Variants in IL1RAPL2 observed in about 807,000 individuals in gnomAD.
The protein encoded by IL1RAPL2 is interleukin 1 receptor accessory protein like 2, also known as X-linked interleukin-1 receptor accessory protein-like 2.
A neutral mutation model predicts 44.1 loss-of-function variants in IL1RAPL2; 3 were observed. The observed-to-expected ratio is 0.07, with a 90% CI of 0.03 to 0.18. IL1RAPL2 has a LOEUF of 0.18. IL1RAPL2 is among the 10% of genes least tolerant of loss of function. The pLI is 1.00. For synonymous variants in IL1RAPL2, 181 were observed against 178.8 expected, an observed-to-expected ratio of 1.01 and a Z score of -0.10; for missense variants, 391 against 496.4, an observed-to-expected ratio of 0.79 and a Z score of 2.02.
chrX:105,008,965 A>T (rs1363547712), intron 2 of IL1RAPL2, among the ~76,000 whole-genome samples: 1 of 112,302 alleles, frequency 8.9e-6, no homozygotes, highest in Non-Finnish European at 1.9e-5. Flanking sequence ...TCTCAAAAGA[A>T]GACATTTATG....
intron 2 of IL1RAPL2, among the ~76,000 whole-genome samples, chrX:104,717,226 T>C (rs1057438616): frequency 4.1e-4 from 46 of 110,876 alleles, no homozygotes; most frequent in African/African-American, 1.4e-3. Flanking sequence ...TGAGAACACA[T>C]GGACACATAG....
chrX:104,887,898 G>A (rs1049258628), intron 2 of IL1RAPL2, among the ~76,000 whole-genome samples: 13 of 111,615 alleles, frequency 1.2e-4, no homozygotes, highest in African/African-American at 3.9e-4. Flanking sequence ...AGGGACCAGC[G>A]CCCAGTTAGC....
At chrX:105,730,727 GAAT>G (rs1419564370) in intron 7 of IL1RAPL2, among the ~76,000 whole-genome samples, 2 of 111,018 alleles carry the variant, frequency 1.8e-5, no homozygotes, top group Non-Finnish European at 3.8e-5. Context: ...AAATCTGTAG[GAAT>G]ACATGGAAAT....
intron 2 of IL1RAPL2, among the ~76,000 whole-genome samples, chrX:104,839,504 G>T (rs1921843444): frequency 9.0e-6 from 1 of 111,731 alleles, no homozygotes; most frequent in South Asian, 3.7e-4. Context: ...TTTTATTGAG[G>T]ATATTTGCGT....
chrX:105,242,121 G>A (rs1240177012), intron 4 of IL1RAPL2, among the ~76,000 whole-genome samples: 1 of 111,824 alleles, frequency 8.9e-6, no homozygotes, highest in Non-Finnish European at 1.9e-5. Context: ...AACTCCATGT[G>A]TCCCTAGGCC....
At chrX:105,076,449 T>G (rs1027040587) in intron 2 of IL1RAPL2, among the ~76,000 whole-genome samples, 1 of 111,244 alleles carries the variant, frequency 9.0e-6, no homozygotes, top group South Asian at 3.9e-4. Flanking sequence ...TGCTGAGGAG[T>G]GTTTTACATC....
intron 1 of IL1RAPL2, among the ~76,000 whole-genome samples, chrX:104,618,696 C>T (rs1929327158): frequency 1.8e-5 from 2 of 111,123 alleles, no homozygotes; most frequent in South Asian, 7.6e-4. Context: ...CAGAGAGGGC[C>T]CTTCTGTACC....
intron 6 of IL1RAPL2, among the ~76,000 whole-genome samples, chrX:105,585,674 T>A (rs2037121983): frequency 1.4e-5 from 1 of 73,190 alleles, no homozygotes; most frequent in Admixed American, 1.8e-4. Context: ...TTCATCCATG[T>A]CCCTGCAAAA....
Position 105,454,833 on chromosome X carries a change from C to G in IL1RAPL2, c.698-29480C>G, listed in dbSNP as rs758639338. Among the ~76,000 whole-genome samples, 16 of 111,031 alleles carry G rather than the reference C, an allele frequency of 1.4e-4. No individual in the cohort carries two copies. In the East Asian group the frequency reaches 4.6e-3, roughly 32 times the overall value. On this transcript the variant is annotated intron_variant, in intron 5 of 10. Transcript: ENST00000372582. ...ACTGGTGCCCTACCCCCAAGTACTT[C>G]AGAACTGGCCTACACAGCAACCCCT...
chrX:105,394,197 A>T (rs189160644), intron 5 of IL1RAPL2, among the ~76,000 whole-genome samples: 3 of 112,217 alleles, frequency 2.7e-5, no homozygotes, highest in Non-Finnish European at 5.6e-5. Flanking sequence ...AAAGCATGAA[A>T]GTAGCCATTA....
chrX:105,071,760 A>G (rs58115582), intron 2 of IL1RAPL2, among the ~76,000 whole-genome samples: 9,246 of 111,790 alleles, frequency 0.083, 982 homozygotes, highest in African/African-American at 0.29. Context: ...CTAGTAATAT[A>G]CAATGGGGAA....
chrX:105,548,759 T>C (rs368125744), intron 6 of IL1RAPL2, among the ~76,000 whole-genome samples: 1 of 111,712 alleles, frequency 9.0e-6, no homozygotes, highest in Admixed American at 9.5e-5. Flanking sequence ...GGGATAATAA[T>C]TGCTACTTCA....
intron 2 of IL1RAPL2, among the ~76,000 whole-genome samples, chrX:104,673,332 C>A (rs1445926762): frequency 9.0e-6 from 1 of 111,273 alleles, no homozygotes; most frequent in Non-Finnish European, 1.9e-5. Context: ...CCAGTTTTCC[C>A]AGCACCATTT....
In IL1RAPL2 at chrX:104,907,875, G is replaced by T. The variant is rs181013335; in HGVS notation, c.82+248880G>T. On this transcript the variant is annotated intron_variant, in intron 2 of 10. Coordinates refer to ENST00000372582, the MANE Select transcript of IL1RAPL2 (RefSeq NM_017416.2). ...GGTATCCTTGTTGACTTTCTGTCTC[G>T]TTGATCTGTCTAATGTTGACAGTGG... is the stretch of plus-strand genomic sequence containing the variant. 7.6e-3 allele frequency among the ~76,000 whole-genome samples: 833 copies of T among 109,571 alleles called. 10 individuals are homozygous for T. The highest frequency in any genetic ancestry group is 0.026 in the African/African-American group (769 of 30,108).
At chrX:105,220,014 C>T (rs782628378) in intron 3 of IL1RAPL2, 2 of 1,210,576 alleles carry the variant, frequency 1.7e-6, no homozygotes, top group South Asian at 1.8e-5. Context: ...CCATTCTTAG[C>T]CGGGAGGCCG....
At chrX:105,613,993 C>A (rs1200237185) in intron 6 of IL1RAPL2, among the ~76,000 whole-genome samples, 1 of 111,335 alleles carries the variant, frequency 9.0e-6, no homozygotes, top group Admixed American at 9.6e-5. Flanking sequence ...TTGCAGGATA[C>A]AAAATCAACA....
At position 104,733,651 on chromosome X, in the gene IL1RAPL2, A is replaced by ATAATAG. The variant is rs1555986431; in HGVS notation, c.82+74661_82+74662insGTAATA. Among the ~76,000 whole-genome samples, 80 of 105,529 alleles carry ATAATAG rather than the reference A, an allele frequency of 7.6e-4. 1 individual carries two copies. Among genetic ancestry groups the ATAATAG allele is most frequent in the Admixed American group, 6.8e-3 (67 of 9,881 alleles). The allele number at this position is 105,529 out of a possible 115,157, so 91.6% of individuals were successfully genotyped here. ...AATAATAATAATAATAATAATAGTA[A>ATAATAG]TAATAATAATCATGCAAACTGTTAA... On this transcript the variant is annotated intron_variant, in intron 2 of 10. Transcript: ENST00000372582.
At position 104,581,167 on chromosome X, in the gene IL1RAPL2, C is replaced by T. The variant is rs1928337242; in HGVS notation, c.-20+14116C>T. On this transcript the variant is annotated intron_variant, in intron 1 of 10. Transcript: ENST00000372582. ...CTGGGCTTCGATTTTCAATTAGTCT[C>T]AAAACATATGATTTTACTTGTTCCA... is the stretch of plus-strand genomic sequence containing the variant. 3.6e-5 allele frequency among the ~76,000 whole-genome samples: 4 copies of T among 112,005 alleles called. No homozygotes were observed. In the Admixed American group the frequency reaches 3.8e-4, roughly 11 times the overall value.
intron 2 of IL1RAPL2, among the ~76,000 whole-genome samples, chrX:104,665,170 T>C (rs1930465490): frequency 9.0e-6 from 1 of 111,418 alleles, no homozygotes; most frequent in Non-Finnish European, 1.9e-5. Flanking sequence ...TTTTACATCA[T>C]TGGAAATTCA....
Sources: allele counts gnomAD v4.1 joint callset (sites outside exome capture counted in the v4.1 genomes callset), GRCh38; gene constraint gnomAD v4.1.1; transcripts MANE v1.5; gene names NCBI Gene and HGNC (gene_info 2026-07-23, HGNC 2026-07-21).